The following STX2 variants were observed in gnomAD, a reference collection of about 807,000 sequenced individuals.
The protein encoded by STX2 is syntaxin 2, also known as syntaxin-2.
Under a neutral mutation model 40.6 loss-of-function variants are expected in STX2, and 27 were observed. That is an observed-to-expected ratio of 0.66 (90% CI 0.49 to 0.92). The LOEUF (loss-of-function observed/expected upper bound fraction) is 0.92, where lower values mean the gene tolerates loss of function less well. Ranked by LOEUF, STX2 falls within the 40% of genes least tolerant of loss-of-function variation. The probability of loss-of-function intolerance (pLI) is 0.00; values close to 1 mark genes in which losing one functional copy is unlikely to be tolerated. For synonymous variants in STX2, 123 were observed against 119.1 expected (o/e 1.03, Z -0.22); for missense variants, 328 against 366.1 (o/e 0.90, Z 0.85).
rs193222225 is a variant in STX2, at chr12:130,829,272, A to T, written c.31-2005T>A. On this transcript the variant is annotated intron_variant, in intron 1 of 10. Transcript: ENST00000392373. ...CATGTTGACCCTCTTAAAAAGAGTA[A>T]GAGCCGTCCTTTACTTCCAGCTCAC... 3.3e-5 allele frequency among the ~76,000 whole-genome samples: 5 copies of T among 152,368 alleles called. No individual in the cohort carries two copies. In the East Asian group the frequency reaches 9.6e-4, roughly 29 times the overall value.
At chr12:130,797,253 G>A (rs1951059053) in intron 9 of STX2, among the ~76,000 whole-genome samples, 1 of 152,288 alleles carries the variant, frequency 6.6e-6, no homozygotes, top group South Asian at 2.1e-4. Flanking sequence ...GACGTGTTCA[G>A]GTCATGGAGA....
intron 3 of STX2, among the ~76,000 whole-genome samples, chr12:130,818,669 G>C (rs76935138): frequency 5.0e-4 from 52 of 104,802 alleles, no homozygotes; most frequent in Admixed American, 6.1e-4. Flanking sequence ...GGAGACGATG[G>C]AGACGGTGCA....
chr12:130,811,133 G>A (rs554137136), intron 4 of STX2, among the ~76,000 whole-genome samples: 4 of 152,062 alleles, frequency 2.6e-5, no homozygotes, highest in Non-Finnish European at 5.9e-5. Context: ...TGAGACTGGC[G>A]GATCATTTGA....
At chr12:130,834,743 C>A (rs1305316627) in intron 1 of STX2, among the ~76,000 whole-genome samples, 1 of 152,116 alleles carries the variant, frequency 6.6e-6, no homozygotes, top group African/African-American at 2.4e-5. Context: ...TATGAGAACA[C>A]ACAAAATATA....
intron 4 of STX2, among the ~76,000 whole-genome samples, chr12:130,810,097 C>T (rs1003114962): frequency 6.6e-6 from 1 of 152,140 alleles, no homozygotes; most frequent in African/African-American, 2.4e-5. Flanking sequence ...AAAAGAATGA[C>T]ACAAAAAATA....
At chr12:130,823,449 G>A (rs1952189735) in intron 2 of STX2, among the ~76,000 whole-genome samples, 1 of 152,264 alleles carries the variant, frequency 6.6e-6, no homozygotes, top group Non-Finnish European at 1.5e-5. Flanking sequence ...TGAGTCTTGA[G>A]ATGGGAGACT....
chr12:130,810,068 T>G (rs1398475712), intron 4 of STX2, among the ~76,000 whole-genome samples: 3 of 152,042 alleles, frequency 2.0e-5, no homozygotes, highest in African/African-American at 2.4e-5. Context: ...TCTAGCCCAG[T>G]GGGATATACC....
intron 1 of STX2, among the ~76,000 whole-genome samples, chr12:130,828,391 C>CTTTTTTTTT (rs35993256): frequency 5.9e-4 from 63 of 106,520 alleles, no homozygotes; most frequent in African/African-American, 1.3e-3. Context: ...CCACACCCGG[C>CTTTTTTTTT]TTTTTTTTTT....
At chr12:130,796,968 C>G (rs532547830) in intron 9 of STX2, among the ~76,000 whole-genome samples, 37 of 152,338 alleles carry the variant, frequency 2.4e-4, no homozygotes, top group Admixed American at 4.6e-4. Context: ...ACGACCCACA[C>G]CTGAGCCAGG....
intron 6 of STX2, among the ~76,000 whole-genome samples, chr12:130,805,474 C>T (rs1043234666): frequency 6.6e-6 from 1 of 152,162 alleles, no homozygotes; most frequent in Non-Finnish European, 1.5e-5. Flanking sequence ...ACTGGATTTG[C>T]AAGATGGAGT....
In STX2 at chr12:130,831,373, G is replaced by GTTTTT. The variant is rs1473465154; in HGVS notation, c.31-4107_31-4106insAAAAA. On this transcript the variant is annotated intron_variant, in intron 1 of 10. Transcript: ENST00000392373. The stretch of plus-strand genomic sequence containing the variant: ...AAAAGAATACTTGTAATTAAACATA[G>GTTTTT]GTAAAAGCTGGCCGGGTGCGGCAGC... 9.9e-5 allele frequency among the ~76,000 whole-genome samples: 15 copies of GTTTTT among 152,230 alleles called. 1 individual carries two copies. The highest frequency in any genetic ancestry group is 2.2e-4 in the Non-Finnish European group (15 of 68,042).
Position 130,790,341 on chromosome 12 carries a change from T to A in STX2, c.*1682A>T, listed in dbSNP as rs554208272. On this transcript the variant is annotated 3_prime_UTR_variant, in exon 11 of 11. Transcript: ENST00000392373. ...CTGTTTGGAATCAGGCATCTCTACATTAGTTTCAAACCAAATGGTGTTAAA... is the reference window on the plus strand; with the variant it reads ...CTGTTTGGAATCAGGCATCTCTACAATAGTTTCAAACCAAATGGTGTTAAA... 1 of 152,304 alleles carries A rather than the reference T, an allele frequency of 6.6e-6. No homozygotes were observed. The highest frequency in any genetic ancestry group is 6.5e-5 in the Admixed American group (1 of 15,302). 9.4% of individuals were successfully genotyped at this position (152,304 alleles called of 1,614,324 possible).
intron 3 of STX2, among the ~76,000 whole-genome samples, chr12:130,818,074 C>G (rs1368614289): frequency 6.7e-6 from 1 of 148,260 alleles, no homozygotes; most frequent in Non-Finnish European, 1.5e-5. Context: ...GTACGCGCGG[C>G]TTCGTTTCTG....
intron 2 of STX2, 70 bp downstream of exon 2, chr12:130,827,123 A>C: frequency 1.9e-6 from 1 of 532,274 alleles, no homozygotes. Flanking sequence ...GGAAGAAAGG[A>C]GGGAGGGGTG....
intron 4 of STX2, 125 bp downstream of exon 4, chr12:130,812,832 A>C: frequency 2.9e-6 from 2 of 684,726 alleles, no homozygotes; most frequent in Non-Finnish European, 4.9e-6. Context: ...CATACAAATA[A>C]TTTATTTTAA....
At chr12:130,802,289 C>G (rs943980656) in intron 6 of STX2, among the ~76,000 whole-genome samples, 2 of 152,188 alleles carry the variant, frequency 1.3e-5, no homozygotes, top group African/African-American at 4.8e-5. Flanking sequence ...CCTCTTCCTC[C>G]CGGGTTCAAG....
intron 1 of STX2, among the ~76,000 whole-genome samples, chr12:130,828,352 T>C (rs912514986): frequency 1.3e-5 from 2 of 150,196 alleles, no homozygotes; most frequent in Admixed American, 1.3e-4. Flanking sequence ...CCCAACCTCC[T>C]GAATAGCTAG....
chr12:130,818,185 A>AAAAAAATATATAT, intron 3 of STX2, among the ~76,000 whole-genome samples: 31 of 70,538 alleles, frequency 4.4e-4, no homozygotes, highest in African/African-American at 2.1e-3. Context: ...AAAAAAAAAA[A>AAAAAAATATATAT]ATATATATAT....
intron 1 of STX2, among the ~76,000 whole-genome samples, chr12:130,836,926 T>A (rs371787053): frequency 2.0e-5 from 3 of 152,170 alleles, no homozygotes; most frequent in Admixed American, 6.5e-5. Flanking sequence ...ACAAAACTGA[T>A]TGACATGTTC....
Sources: gnomAD v4.1 joint callset for allele counts (sites outside exome capture counted in the v4.1 genomes callset) on GRCh38, gnomAD v4.1.1 for gene constraint, MANE v1.5 for transcripts, NCBI Gene and HGNC (gene_info 2026-07-23, HGNC 2026-07-21) for gene names.